IGSF11: variants seen among roughly 807,000 people sequenced by gnomAD.
IGSF11 encodes immunoglobulin superfamily member 11, also known as CXADR like 1.
IGSF11 carries 22 observed loss-of-function variants against 41.0 expected under a neutral mutation model. That is an observed-to-expected ratio of 0.54 (90% CI 0.38 to 0.77). IGSF11 has a LOEUF of 0.77. IGSF11 is among the 30% of genes least tolerant of loss of function. The probability of loss-of-function intolerance (pLI) is 0.00; values close to 1 mark genes in which losing one functional copy is unlikely to be tolerated. For missense variants in IGSF11, 444 were observed against 530.8 expected (o/e 0.84, Z 1.61); for synonymous variants, 219 against 201.3 (o/e 1.09, Z -0.74).
At chr3:119,047,378 C>A (rs1941403874) in intron 1 of IGSF11, among the ~76,000 whole-genome samples, 2 of 152,038 alleles carry the variant, frequency 1.3e-5, no homozygotes, top group Admixed American at 6.6e-5. Context: ...TTTAAACCAA[C>A]AAAGATCAAA....
chr3:119,142,295 A>AAT (rs1412451602), intron 1 of IGSF11, among the ~76,000 whole-genome samples: 1 of 149,000 alleles, frequency 6.7e-6, no homozygotes, highest in African/African-American at 2.5e-5. Flanking sequence ...AAAAAAAAAA[A>AAT]AGTGTCTGCA....
chr3:119,127,739 G>A (rs904100194), intron 1 of IGSF11, among the ~76,000 whole-genome samples: 25 of 152,148 alleles, frequency 1.6e-4, no homozygotes, highest in African/African-American at 5.8e-4. Flanking sequence ...AAGAGATTGG[G>A]AGCCAATATT....
rs58947766 is a variant in IGSF11, at chr3:118,930,082, T to C, written c.216+30A>G. ...ACCTCCTCTGAAAAGATTAACCTTT[T>C]AGAGGTAGCACAGGATGCAACAGAA... On this transcript the variant is annotated intron_variant, in intron 2 of 6. Transcript: ENST00000393775. 9.8e-4 allele frequency: 1,562 copies of C among 1,592,520 alleles called. 11 individuals are homozygous for C. In the African/African-American group the frequency reaches 0.017, roughly 18 times the overall value.
At chr3:119,050,337 A>T (rs1265817377) in intron 1 of IGSF11, among the ~76,000 whole-genome samples, 1 of 152,252 alleles carries the variant, frequency 6.6e-6, no homozygotes, top group Non-Finnish European at 1.5e-5. Flanking sequence ...TGGGCAAAGG[A>T]CGTGAACAGA....
At chr3:119,045,146 A>G (rs139357486) in intron 1 of IGSF11, among the ~76,000 whole-genome samples, 5 of 152,248 alleles carry the variant, frequency 3.3e-5, no homozygotes, top group African/African-American at 1.2e-4. Context: ...AGGAGCCCAG[A>G]TGGCCAAATA....
chr3:119,000,612 C>T (rs932011678), intron 1 of IGSF11, among the ~76,000 whole-genome samples: 2 of 151,788 alleles, frequency 1.3e-5, no homozygotes, highest in African/African-American at 4.8e-5. Context: ...AATCAAACCA[C>T]TTCTCTTTCA....
intron 1 of IGSF11, among the ~76,000 whole-genome samples, chr3:119,016,341 A>G (rs1938687986): frequency 6.6e-6 from 1 of 152,248 alleles, no homozygotes; most frequent in Admixed American, 6.5e-5. Context: ...ATTCCAGCAA[A>G]TAACAGCATG....
chr3:119,140,491 G>A (rs1443297641), intron 1 of IGSF11, among the ~76,000 whole-genome samples: 2 of 152,076 alleles, frequency 1.3e-5, no homozygotes, highest in African/African-American at 2.4e-5. Context: ...TTACAGAATT[G>A]AAGTGAGATA....
chr3:119,000,794 T>C (rs1005772240), intron 1 of IGSF11, among the ~76,000 whole-genome samples: 8 of 152,174 alleles, frequency 5.3e-5, no homozygotes, highest in Admixed American at 1.3e-4. Context: ...TCTTAACTCA[T>C]CTTCCTGTCC....
At chr3:119,112,368 G>T (rs536739802) in intron 1 of IGSF11, among the ~76,000 whole-genome samples, 1 of 152,276 alleles carries the variant, frequency 6.6e-6, no homozygotes, top group Non-Finnish European at 1.5e-5. Flanking sequence ...AGCAATCAGC[G>T]AGACTCTGTG....
intron 4 of IGSF11, among the ~76,000 whole-genome samples, chr3:118,913,854 T>C (rs1395161009): frequency 1.3e-5 from 2 of 151,826 alleles, no homozygotes; most frequent in African/African-American, 2.4e-5. Context: ...GCCAAGAAAA[T>C]AACTAAAATG....
intron 1 of IGSF11, among the ~76,000 whole-genome samples, chr3:118,998,648 C>T (rs1254838013): frequency 2.6e-5 from 4 of 151,140 alleles, no homozygotes; most frequent in Non-Finnish European, 2.9e-5. Context: ...AAAAGAAAGC[C>T]CCAAAACTAT....
intron 1 of IGSF11, among the ~76,000 whole-genome samples, chr3:118,978,291 T>C (rs1934343070): frequency 6.6e-6 from 1 of 152,168 alleles, no homozygotes. Flanking sequence ...CTGCAGGTCT[T>C]CAGCCCACCC....
At chr3:119,121,770 G>A (rs1434951061) in intron 1 of IGSF11, among the ~76,000 whole-genome samples, 1 of 151,854 alleles carries the variant, frequency 6.6e-6, no homozygotes, top group African/African-American at 2.4e-5. Context: ...CAAGTCAAAT[G>A]GAAAAAAGTC....
At chr3:118,972,951 G>A (rs1933613861) in intron 1 of IGSF11, among the ~76,000 whole-genome samples, 1 of 152,180 alleles carries the variant, frequency 6.6e-6, no homozygotes, top group Non-Finnish European at 1.5e-5. Flanking sequence ...AGACAAAGAT[G>A]CATGTACTGT....
At chr3:119,007,594 A>G (rs924360133) in intron 1 of IGSF11, among the ~76,000 whole-genome samples, 2 of 151,912 alleles carry the variant, frequency 1.3e-5, no homozygotes, top group Admixed American at 6.6e-5. Context: ...TTCTCCCCCA[A>G]CCATCTCAGA....
chr3:119,137,147 C>T (rs2077574126), intron 1 of IGSF11, among the ~76,000 whole-genome samples: 1 of 152,020 alleles, frequency 6.6e-6, no homozygotes, highest in Admixed American at 6.6e-5. Flanking sequence ...GTCCATACTA[C>T]CCAAAGCAAT....
chr3:119,073,128 C>T (rs1275628700), intron 1 of IGSF11, among the ~76,000 whole-genome samples: 2 of 152,140 alleles, frequency 1.3e-5, no homozygotes, highest in East Asian at 3.9e-4. Flanking sequence ...GAGCTAGACA[C>T]AGAGTGCTGA....
rs1938745795 is a variant in IGSF11 at position 118,900,653 on chromosome 3, G to C, written c.*1867C>G. 6.6e-6 allele frequency: 1 copy of C among 152,352 alleles called. No homozygotes were observed. Among genetic ancestry groups the C allele is most frequent in the Non-Finnish European group, 1.5e-5 (1 of 67,978 alleles). The allele number at this position is 152,352 out of a possible 1,614,324, so 9.4% of individuals were successfully genotyped here. ...TATTTTATATGAATAAAATTTTATT[G>C]AATTTTAGATAATTAGAAAGAATAA... is the stretch of plus-strand genomic sequence containing the variant. On this transcript the variant is annotated 3_prime_UTR_variant, in exon 7 of 7. Transcript: ENST00000393775.
Sources: allele counts gnomAD v4.1 joint callset (sites outside exome capture counted in the v4.1 genomes callset), GRCh38; gene constraint gnomAD v4.1.1; transcripts MANE v1.5; gene names NCBI Gene and HGNC (gene_info 2026-07-23, HGNC 2026-07-21).